RIMBP2: variants seen among roughly 807,000 people sequenced by gnomAD.
The protein encoded by RIMBP2 is RIMS-binding protein 2.
A neutral mutation model predicts 118.6 loss-of-function variants in RIMBP2; 48 were observed. The observed-to-expected ratio is 0.40, with a 90% CI of 0.32 to 0.51. The LOEUF is 0.51. Ranked by LOEUF, RIMBP2 falls within the 20% of genes least tolerant of loss-of-function variation. RIMBP2 has a pLI of 0.41. For missense variants in RIMBP2, 1,551 were observed against 1,768.3 expected, an observed-to-expected ratio of 0.88 and a Z score of 2.20; for synonymous variants, 762 against 742.9, an observed-to-expected ratio of 1.03 and a Z score of -0.42.
At chr12:130,626,772 A>C (rs1269624328) in intron 2 of RIMBP2, among the ~76,000 whole-genome samples, 2 of 149,464 alleles carry the variant, frequency 1.3e-5, no homozygotes, top group African/African-American at 5.0e-5. Context: ...ACGACTACCT[A>C]CCACCAAAAT....
At chr12:130,534,457 G>GA (rs796329170) in intron 2 of RIMBP2, among the ~76,000 whole-genome samples, 12 of 147,302 alleles carry the variant, frequency 8.1e-5, no homozygotes, top group East Asian at 7.9e-4. Flanking sequence ...AGTAAAACAA[G>GA]AAAAAAAAAA....
chr12:130,561,424 AG>A (rs1033339868), intron 2 of RIMBP2, among the ~76,000 whole-genome samples: 33 of 152,310 alleles, frequency 2.2e-4, no homozygotes, highest in African/African-American at 6.5e-4. Flanking sequence ...TGGTTAAAAG[AG>A]GAGCGTCAGA....
At chr12:130,533,130 C>T (rs1333121013) in intron 2 of RIMBP2, among the ~76,000 whole-genome samples, 1 of 150,084 alleles carries the variant, frequency 6.7e-6, no homozygotes, top group Non-Finnish European at 1.5e-5. Context: ...CTAGGAGGGA[C>T]GTCTAATGAG....
Position 130,445,600 on chromosome 12 carries a change from T to C in RIMBP2, c.582-331A>G, listed in dbSNP as rs149871776. 9.7e-4 allele frequency among the ~76,000 whole-genome samples: 148 copies of C among 152,356 alleles called. 1 individual carries two copies. Among genetic ancestry groups the C allele is most frequent in the Middle Eastern group, 3.4e-3 (1 of 294 alleles). On this transcript the variant is annotated intron_variant, in intron 9 of 22. Coordinates refer to ENST00000690449, the MANE Select transcript of RIMBP2 (RefSeq NM_001393629.1). ...ATACATCTCCAAATTAGCAAGCAGATGTGAAGAAAATTAACCCTATAATCT... is the reference window on the plus strand; with the variant it reads ...ATACATCTCCAAATTAGCAAGCAGACGTGAAGAAAATTAACCCTATAATCT...
At position 130,434,959 on chromosome 12, in the gene RIMBP2, C is replaced by T. The variant is rs531173002; in HGVS notation, c.2107-79G>A. 13 of 1,465,280 alleles carry T rather than the reference C, an allele frequency of 8.9e-6. No homozygotes were observed. The African/African-American group carries it at 1.8e-4, about 21-fold the overall frequency. The allele number at this position is 1,465,280 out of a possible 1,614,324, so 90.8% of individuals were successfully genotyped here. A position where few individuals can be genotyped will look rare whatever the true frequency, so the allele number is the denominator to read the frequency against. The stretch of plus-strand genomic sequence containing the variant: ...TCAGCCCCACCTGCATTCACCAAAC[C>T]TTCAGCCCCTCAGAGCCTGGCCAGG... On this transcript the variant is annotated intron_variant, in intron 13 of 22. Transcript: ENST00000690449. This position sits in a 1 kb window ranked among gnomAD's most constrained non-coding sequence, Gnocchi z 5.7.
chr12:130,505,375 GT>G (rs1426162127), intron 4 of RIMBP2, among the ~76,000 whole-genome samples: 4 of 151,932 alleles, frequency 2.6e-5, no homozygotes, highest in Non-Finnish European at 1.5e-5. Context: ...CTTTCACAAA[GT>G]TCTGCAGCCA....
intron 1 of RIMBP2, among the ~76,000 whole-genome samples, chr12:130,642,023 T>A (rs1030964442): frequency 7.2e-5 from 11 of 152,006 alleles, no homozygotes; most frequent in Non-Finnish European, 2.9e-5. Flanking sequence ...GGTCACACAG[T>A]TTGTAAATAG....
chr12:130,639,383 TA>T (rs59431769), intron 1 of RIMBP2, among the ~76,000 whole-genome samples: 183 of 130,860 alleles, frequency 1.4e-3, no homozygotes, highest in African/African-American at 4.4e-3. Flanking sequence ...AACTCCATCT[TA>T]AAAAAAAAAA....
rs1225918788 is a variant in RIMBP2, at chr12:130,396,735, A to C, written c.*626T>G. 6.6e-6 allele frequency: 1 copy of C among 152,662 alleles called. No homozygotes were observed. The highest frequency in any genetic ancestry group is 1.5e-5 in the Non-Finnish European group (1 of 68,040). The allele number at this position is 152,662 out of a possible 1,614,324, so 9.5% of individuals were successfully genotyped here. A position where few individuals can be genotyped will look rare whatever the true frequency, so the allele number is the denominator to read the frequency against. On this transcript the variant is annotated 3_prime_UTR_variant, in exon 23 of 23. Transcript: ENST00000690449. Reference sequence around the variant, plus strand: ...TTTTCTCTTTTTTGAATGATTGAGTAAACATTTTCTGTGTGTAGCCTGGCT... The same window carrying C: ...TTTTCTCTTTTTTGAATGATTGAGTCAACATTTTCTGTGTGTAGCCTGGCT...
At position 130,517,004 on chromosome 12, in the gene RIMBP2, G is replaced by A. The variant is rs117897754; in HGVS notation, c.-127+824C>T. Among the ~76,000 whole-genome samples the A allele has an allele frequency of 3.3e-4, 51 of 152,262 alleles. No individual in the cohort carries two copies. The East Asian group carries it at 6.8e-3, about 20-fold the overall frequency. ...TGGTGCTGAGATGAGTGGTTGGTGCGCTCCATGGTTTGAATGCATCCCCCA... is the reference window on the plus strand; with the variant it reads ...TGGTGCTGAGATGAGTGGTTGGTGCACTCCATGGTTTGAATGCATCCCCCA... On this transcript the variant is annotated intron_variant, in intron 3 of 22. Coordinates refer to ENST00000690449, the MANE Select transcript of RIMBP2 (RefSeq NM_001393629.1).
At chr12:130,677,376 C>A (rs899300555) in intron 1 of RIMBP2, among the ~76,000 whole-genome samples, 4 of 152,086 alleles carry the variant, frequency 2.6e-5, no homozygotes, top group Non-Finnish European at 5.9e-5. Context: ...AGCTGTAATC[C>A]CAGCACTTTA....
At position 130,683,994 on chromosome 12, in the gene RIMBP2, A is replaced by T. The variant is rs968273156; in HGVS notation, c.-352+32228T>A. Among the ~76,000 whole-genome samples, 1 of 152,120 alleles carries T rather than the reference A, an allele frequency of 6.6e-6. No individual in the cohort carries two copies. Among genetic ancestry groups the T allele is most frequent in the Non-Finnish European group, 1.5e-5 (1 of 68,034 alleles). On this transcript the variant is annotated intron_variant, in intron 1 of 22. Transcript: ENST00000690449. The surrounding 1 kb of genome is among the most constrained non-coding windows in gnomAD (Gnocchi z 4.4). ...CCTTTCCCTCTCCAGGACTTTTTCC[A>T]GATCCAGGAGAGAATCAACTAAGAG... is the stretch of plus-strand genomic sequence containing the variant.
rs142259939 is a variant in RIMBP2 at position 130,445,216 on chromosome 12, G to T, written c.635C>A (p.Thr212Lys). ...ATAGACGTAGAGGTATTTTCCCGCC[G>T]TGAGGGGCAGCTCAGCTTCGGGGTT... The part of the protein sequence containing the change: ...NENPEAELPL[T>K]AGKYLYVYGD... The change falls in exon 10 of 23, where the codon ACG becomes AAG. Residue 212 changes from threonine to lysine, a missense_variant. By Grantham distance (78) the Thr-to-Lys change is moderately conservative. Coordinates refer to ENST00000690449, the MANE Select transcript of RIMBP2 (RefSeq NM_001393629.1). 4 of 1,613,212 alleles carry T rather than the reference G, an allele frequency of 2.5e-6. No homozygotes were observed. Among genetic ancestry groups the T allele is most frequent in the Non-Finnish European group, 3.4e-6 (4 of 1,179,720 alleles).
At chr12:130,514,690 T>A (rs1339311190) in intron 3 of RIMBP2, among the ~76,000 whole-genome samples, 11 of 152,104 alleles carry the variant, frequency 7.2e-5, no homozygotes, top group Non-Finnish European at 1.6e-4. Flanking sequence ...AGCACCCCCA[T>A]CTTTTTTATA....
At chr12:130,439,471 TTGTG>T (rs1319127886) in intron 11 of RIMBP2, among the ~76,000 whole-genome samples, 1 of 122,166 alleles carries the variant, frequency 8.2e-6, no homozygotes, top group Non-Finnish European at 1.8e-5. Context: ...GTGTATGTAT[TTGTG>T]TATGTGTGTG....
chr12:130,543,910 G>A (rs934081867), intron 2 of RIMBP2, among the ~76,000 whole-genome samples: 4 of 152,182 alleles, frequency 2.6e-5, no homozygotes, highest in Non-Finnish European at 4.4e-5. Flanking sequence ...AGGCACTCAG[G>A]ATGTTGATTT....
chr12:130,522,707 A>G (rs2052275797), intron 2 of RIMBP2, among the ~76,000 whole-genome samples: 1 of 152,266 alleles, frequency 6.6e-6, no homozygotes, highest in East Asian at 1.9e-4. Context: ...TCCTGTGCGC[A>G]GGGAGAGGAG....
At chr12:130,657,710 TGAGGGCGGAGGATGGAGCCCCAGCTGC>T (rs2063487898) in intron 1 of RIMBP2, 1 of 80,722 alleles carries the variant, frequency 1.2e-5, no homozygotes. Context: ...CGGGGGGCAG[TGAGGGCGGAGGATGGAGCCCCAGCTGC>T]GGGGGGCAGT....
At chr12:130,563,966 T>TCCCCTCGCTCACTCCATCTCTA (rs2057015178) in intron 2 of RIMBP2, among the ~76,000 whole-genome samples, 1 of 151,532 alleles carries the variant, frequency 6.6e-6, no homozygotes, top group East Asian at 1.9e-4. Context: ...TGCTACATTT[T>TCCCCTCGCTCACTCCATCTCTA]CCCCTCGCTC....
Sources: allele counts gnomAD v4.1 joint callset (sites outside exome capture counted in the v4.1 genomes callset), GRCh38; gene constraint gnomAD v4.1.1; non-coding constraint Gnocchi (gnomAD v3.1); transcripts MANE v1.5; gene names NCBI Gene and HGNC (gene_info 2026-07-23, HGNC 2026-07-21).